The following ZNF395 variants were observed in gnomAD, a reference collection of about 807,000 sequenced individuals.
ZNF395 encodes zinc finger protein 395.
In ZNF395, 20 loss-of-function variants were observed where a neutral mutation model predicts 57.7. The ratio of observed to expected loss-of-function variants is 0.35; its 90% confidence interval spans 0.24 to 0.50. The LOEUF is 0.50. ZNF395 is among the 20% of genes least tolerant of loss of function. The pLI is 0.97. For missense variants in ZNF395, 606 were observed against 671.2 expected (o/e 0.90, Z 1.07); for synonymous variants, 295 against 275.9 (o/e 1.07, Z -0.69).
chr8:28,372,381 G>A (rs936050510), intron 1 of ZNF395, among the ~76,000 whole-genome samples: 3 of 152,146 alleles, frequency 2.0e-5, no homozygotes, highest in African/African-American at 4.8e-5. Flanking sequence ...ACCAAATCCC[G>A]GGCAGTGAAG....
chr8:28,349,503 G>A (rs138703517), intron 8 of ZNF395, among the ~76,000 whole-genome samples: 14 of 152,338 alleles, frequency 9.2e-5, no homozygotes, highest in African/African-American at 2.6e-4. Context: ...AGACGGAGCC[G>A]CTATGCCTGG....
chr8:28,372,364 A>G (rs1563341755), intron 1 of ZNF395, among the ~76,000 whole-genome samples: 1 of 152,234 alleles, frequency 6.6e-6, no homozygotes, highest in Non-Finnish European at 1.5e-5. Context: ...CCTGAAAAAA[A>G]GTAGACACCA....
chr8:28,359,636 G>A lies in ZNF395; in HGVS notation c.429C>T (p.Ala143=), dbSNP rs775888789. Residue 143 remains alanine, a synonymous_variant, in exon 3 of 10, where the codon GCC becomes GCT. Coordinates refer to ENST00000344423, the MANE Select transcript of ZNF395 (RefSeq NM_018660.3). The surrounding 1 kb of genome is among the most constrained non-coding windows in gnomAD (Gnocchi z 4.7). Reference sequence around the variant, plus strand: ...TCCTGGAGACGGGCCTGTAGGCCAGGGCCTGGGCTCCGGGCTCCAGGGGTG... The same window carrying A: ...TCCTGGAGACGGGCCTGTAGGCCAGAGCCTGGGCTCCGGGCTCCAGGGGTG... ...QAPPLEPGAQ[A]LAYRPVSRNI... 8.1e-6 allele frequency: 13 copies of A among 1,612,268 alleles called. No individual in the cohort carries two copies. The highest frequency in any genetic ancestry group is 1.0e-5 in the Non-Finnish European group (12 of 1,178,892).
At position 28,360,980 on chromosome 8, in the gene ZNF395, AGGT is replaced by A; in HGVS notation, c.142_144del (p.Thr48del). 1 of 1,612,934 alleles carries A rather than the reference AGGT, an allele frequency of 6.2e-7. No homozygotes were observed. Among genetic ancestry groups the A allele is most frequent in the Non-Finnish European group, 8.5e-7 (1 of 1,179,416 alleles). ...TGCTCCTGGCAGGGGGTGTCATCAGAGGTGGTGAAAGGCTGGGGAGCGGCCCCT... is the reference window on the plus strand; with the variant it reads ...TGCTCCTGGCAGGGGGTGTCATCAGAGGTGAAAGGCTGGGGAGCGGCCCCT... On this transcript the variant is annotated inframe_deletion, in exon 2 of 10. Transcript: ENST00000344423.
chr8:28,369,596 C>T (rs1044089998), intron 1 of ZNF395, among the ~76,000 whole-genome samples: 4 of 152,212 alleles, frequency 2.6e-5, no homozygotes, highest in Non-Finnish European at 5.9e-5. Flanking sequence ...TAGGTGCCTG[C>T]CCCGCTCACT....
chr8:28,360,459 C>T (rs17059020), intron 2 of ZNF395, among the ~76,000 whole-genome samples: 11,552 of 152,274 alleles, frequency 0.076, 611 homozygotes, highest in East Asian at 0.3. Context: ...AAATCCACAC[C>T]GAATCCAACT....
intron 1 of ZNF395, chr8:28,385,082 T>C (rs1802155493): frequency 1.3e-5 from 2 of 152,254 alleles, no homozygotes; most frequent in South Asian, 4.1e-4. Context: ...TCACTCACTT[T>C]GAAGCAAAAC....
At position 28,356,989 on chromosome 8, in the gene ZNF395, C is replaced by T. The variant is rs987736218; in HGVS notation, c.474-210G>A. On this transcript the variant is annotated intron_variant, in intron 3 of 9. Coordinates refer to ENST00000344423, the MANE Select transcript of ZNF395 (RefSeq NM_018660.3). The surrounding 1 kb of genome is among the most constrained non-coding windows in gnomAD (Gnocchi z 4.0). The stretch of plus-strand genomic sequence containing the variant: ...ATGAAGGTCTCCCCTTCTTCCTGAG[C>T]AGTACCCATTCTGAGTGATGCTTCT... 1.3e-4 allele frequency among the ~76,000 whole-genome samples: 20 copies of T among 152,298 alleles called. No homozygotes were observed. The highest frequency in any genetic ancestry group is 1.9e-4 in the Non-Finnish European group (13 of 68,022).
intron 1 of ZNF395, among the ~76,000 whole-genome samples, chr8:28,363,447 T>G (rs1801874289): frequency 6.6e-6 from 1 of 152,058 alleles, no homozygotes; most frequent in African/African-American, 2.4e-5. Flanking sequence ...AACTGTTTTT[T>G]AAAACACTGT....
At chr8:28,381,276 C>T (rs1373069379) in intron 1 of ZNF395, among the ~76,000 whole-genome samples, 2 of 151,198 alleles carry the variant, frequency 1.3e-5, no homozygotes, top group Admixed American at 6.6e-5. Context: ...CTCCTGACCT[C>T]GTGATCCGCC....
At chr8:28,351,168 C>T (rs1023048355) in intron 7 of ZNF395, among the ~76,000 whole-genome samples, 5 of 152,278 alleles carry the variant, frequency 3.3e-5, no homozygotes, top group African/African-American at 9.6e-5. Flanking sequence ...AGGACCTAGA[C>T]GTCACGTGGG....
chr8:28,384,915 C>G (rs574253320), intron 1 of ZNF395, among the ~76,000 whole-genome samples: 1 of 152,350 alleles, frequency 6.6e-6, no homozygotes, highest in African/African-American at 2.4e-5. Context: ...TCCCAGAGGG[C>G]CTGGCACCGT....
At chr8:28,351,959 G>T in intron 6 of ZNF395, 152 bp from the exon 7 acceptor site, 1 of 788,270 alleles carries the variant, frequency 1.3e-6, no homozygotes. Flanking sequence ...GCTCCTGACG[G>T]GTGTCACCAG....
chr8:28,367,917 G>A (rs767021522), intron 1 of ZNF395, among the ~76,000 whole-genome samples: 11 of 152,200 alleles, frequency 7.2e-5, no homozygotes, highest in Non-Finnish European at 1.6e-4. Context: ...TTCCAAGACA[G>A]GGTTTCCTTA....
Position 28,359,669 on chromosome 8 carries a change from G to C in ZNF395, c.396C>G (p.Pro132=). ...VWLAELQGPC[P]QAPPLEPGAQ... is the part of the protein sequence containing the mutation. The stretch of plus-strand genomic sequence containing the variant: ...CTCCGGGCTCCAGGGGTGGTGCCTG[G>C]GGACAGGGGCCCTGCAGCTCTGCCA... The change falls in exon 3 of 10, where the codon CCC becomes CCG. Residue 132 remains proline (P), a synonymous_variant. Coordinates refer to ENST00000344423, the MANE Select transcript of ZNF395 (RefSeq NM_018660.3). The surrounding 1 kb of genome is among the most constrained non-coding windows in gnomAD (Gnocchi z 4.7). The C allele has an allele frequency of 6.2e-7, 1 of 1,613,930 alleles. No homozygotes were observed. Among genetic ancestry groups the C allele is most frequent in the African/African-American group, 1.3e-5 (1 of 75,018 alleles).
In ZNF395 at chr8:28,352,006, T is replaced by C. The variant is rs1378572030; in HGVS notation, c.921-199A>G. ...GCACATCAACGGGAATTATTTTTCC[T>C]GGCACCTAAGGCTCATTCTCTCCCG... is the stretch of plus-strand genomic sequence containing the variant. On this transcript the variant is annotated intron_variant, in intron 6 of 9. Transcript: ENST00000344423. This position sits in a 1 kb window ranked among gnomAD's most constrained non-coding sequence, Gnocchi z 4.0. Among the ~76,000 whole-genome samples, 1 of 152,218 alleles carries C rather than the reference T, an allele frequency of 6.6e-6. No individual in the cohort carries two copies. The highest frequency in any genetic ancestry group is 1.5e-5 in the Non-Finnish European group (1 of 68,028).
At chr8:28,373,092 C>T (rs1004479165) in intron 1 of ZNF395, among the ~76,000 whole-genome samples, 2 of 152,212 alleles carry the variant, frequency 1.3e-5, no homozygotes, top group Admixed American at 1.3e-4. Context: ...AATGAATGCA[C>T]GAGTGGGGTT....
In ZNF395 at chr8:28,359,627, G is replaced by A; in HGVS notation, c.438C>T (p.Tyr146=). ...PLEPGAQALA[Y]RPVSRNIDVP... ...CATCGATGTTCCTGGAGACGGGCCT[G>A]TAGGCCAGGGCCTGGGCTCCGGGCT... The change falls in exon 3 of 10, where the codon TAC becomes TAT. Residue 146 remains tyrosine (Y), a synonymous_variant. Coordinates refer to ENST00000344423, the MANE Select transcript of ZNF395 (RefSeq NM_018660.3). The surrounding 1 kb of genome is among the most constrained non-coding windows in gnomAD (Gnocchi z 4.7). The A allele has an allele frequency of 6.2e-7, 1 of 1,610,164 alleles. No homozygotes were observed. The highest frequency in any genetic ancestry group is 1.3e-5 in the African/African-American group (1 of 74,940).
intron 1 of ZNF395, among the ~76,000 whole-genome samples, chr8:28,369,737 G>A (rs1801955039): frequency 1.3e-5 from 2 of 152,234 alleles, no homozygotes; most frequent in South Asian, 2.1e-4. Context: ...ACGGGTGGGG[G>A]CAGACCCACC....
Sources: allele counts gnomAD v4.1 joint callset (sites outside exome capture counted in the v4.1 genomes callset), GRCh38; gene constraint gnomAD v4.1.1; non-coding constraint Gnocchi (gnomAD v3.1); transcripts MANE v1.5; gene names NCBI Gene and HGNC (gene_info 2026-07-23, HGNC 2026-07-21).